Variants in BCAS4 observed in about 807,000 individuals in gnomAD.
BCAS4 encodes breast carcinoma-amplified sequence 4.
Under a neutral mutation model 15.7 loss-of-function variants are expected in BCAS4, and 9 were observed. That is an observed-to-expected ratio of 0.57 (90% CI 0.34 to 1.00). BCAS4 has a LOEUF of 1.00. Ranked by LOEUF, BCAS4 falls within the 50% of genes least tolerant of loss-of-function variation. The pLI, the probability that BCAS4 is intolerant of heterozygous loss-of-function variation, is 0.02. For synonymous variants in BCAS4, 101 were observed against 99.5 expected (o/e 1.02, Z -0.09); for missense variants, 225 against 239.1 (o/e 0.94, Z 0.39).
intron 3 of BCAS4, among the ~76,000 whole-genome samples, chr20:50,836,033 T>G (rs2088405263): frequency 6.6e-6 from 1 of 152,012 alleles, no homozygotes; most frequent in Non-Finnish European, 1.5e-5. Context: ...TTCTCCTGCC[T>G]CAGCCTCCTG....
chr20:50,841,558 G>A (rs2088481718), intron 3 of BCAS4, among the ~76,000 whole-genome samples: 1 of 152,140 alleles, frequency 6.6e-6, no homozygotes, highest in Non-Finnish European at 1.5e-5. Context: ...AAAAGCAAGA[G>A]GCCACCAGCG....
intron 4 of BCAS4, among the ~76,000 whole-genome samples, chr20:50,857,337 G>A (rs186804063): frequency 1.3e-5 from 2 of 152,186 alleles, no homozygotes; most frequent in Non-Finnish European, 2.9e-5. Flanking sequence ...CTCCATGCTG[G>A]TCAGACTGGT....
At chr20:50,866,408 A>C (rs1979360506) in intron 4 of BCAS4, among the ~76,000 whole-genome samples, 1 of 152,226 alleles carries the variant, frequency 6.6e-6, no homozygotes, top group Admixed American at 6.5e-5. Flanking sequence ...GGACAGTGAC[A>C]AACCAGACAG....
At chr20:50,874,633 T>C (rs536601736) in intron 4 of BCAS4, among the ~76,000 whole-genome samples, 5 of 152,210 alleles carry the variant, frequency 3.3e-5, no homozygotes, top group African/African-American at 1.2e-4. Flanking sequence ...GCACTGTGAG[T>C]TGCCGGCTGG....
At chr20:50,813,181 G>T (rs1260383266) in intron 1 of BCAS4, among the ~76,000 whole-genome samples, 1 of 152,196 alleles carries the variant, frequency 6.6e-6, no homozygotes, top group Non-Finnish European at 1.5e-5. Context: ...CTTTTGAGGA[G>T]ATGCTGGACT....
intron 4 of BCAS4, among the ~76,000 whole-genome samples, chr20:50,865,881 C>A (rs771102660): frequency 2.6e-5 from 4 of 152,186 alleles, no homozygotes; most frequent in Non-Finnish European, 5.9e-5. Context: ...CTGCTCACAG[C>A]TGTCAGAGTG....
At chr20:50,802,902 C>CTTT (rs2087945189) in intron 1 of BCAS4, among the ~76,000 whole-genome samples, 1 of 151,100 alleles carries the variant, frequency 6.6e-6, no homozygotes, top group South Asian at 2.1e-4. Context: ...AACACGTTGG[C>CTTT]TGGCCATGGT....
At chr20:50,863,309 G>A (rs1979187920) in intron 4 of BCAS4, among the ~76,000 whole-genome samples, 1 of 142,676 alleles carries the variant, frequency 7.0e-6, no homozygotes, top group South Asian at 2.2e-4. Flanking sequence ...CCAGGCTGGA[G>A]TACAGTGGTG....
intron 1 of BCAS4, among the ~76,000 whole-genome samples, chr20:50,803,137 C>T (rs184054779): frequency 1.1e-4 from 16 of 149,888 alleles, no homozygotes; most frequent in East Asian, 1.0e-3. Context: ...GCCAAGATCG[C>T]GCCACTGCAC....
downstream of BCAS4, chr20:50,881,885 T>C (rs1168394804): frequency 6.6e-6 from 1 of 152,272 alleles, no homozygotes; most frequent in Non-Finnish European, 1.5e-5. Flanking sequence ...GGTCTCAAAC[T>C]CCTGGCCTCA....
intron 4 of BCAS4, among the ~76,000 whole-genome samples, chr20:50,869,287 C>A (rs1979512271): frequency 6.6e-6 from 1 of 152,308 alleles, no homozygotes; most frequent in African/African-American, 2.4e-5. Flanking sequence ...GCAGCAGGCA[C>A]CTGAGCTCCT....
chr20:50,881,036 C>T (rs1310982217), downstream of BCAS4: 1 of 152,036 alleles, frequency 6.6e-6, no homozygotes, highest in African/African-American at 2.4e-5. Context: ...AGTTCAAGAC[C>T]AGCATGGGCA....
intron 1 of BCAS4, among the ~76,000 whole-genome samples, chr20:50,801,071 G>T (rs923725159): frequency 6.6e-6 from 1 of 152,068 alleles, no homozygotes; most frequent in Admixed American, 6.6e-5. Context: ...CTAACATGTC[G>T]CATCCTTTTG....
chr20:50,879,871 T>C (rs2122706541), downstream of BCAS4: 1 of 152,922 alleles, frequency 6.5e-6, no homozygotes, highest in South Asian at 2.1e-4. Flanking sequence ...AGGATGGCTC[T>C]GGTCTGATGG....
intron 4 of BCAS4, among the ~76,000 whole-genome samples, chr20:50,843,446 A>G (rs2123810634): frequency 6.6e-6 from 1 of 152,264 alleles, no homozygotes; most frequent in Middle Eastern, 3.4e-3. Context: ...AACTCATTCT[A>G]TTTGGCCAGG....
chr20:50,800,911 C>T (rs995508325), intron 1 of BCAS4, among the ~76,000 whole-genome samples: 3 of 152,120 alleles, frequency 2.0e-5, no homozygotes, highest in Admixed American at 1.3e-4. Flanking sequence ...AAATATTTCT[C>T]CAAACTCTGT....
intron 2 of BCAS4, among the ~76,000 whole-genome samples, chr20:50,819,595 G>A (rs1456150244): frequency 2.0e-5 from 3 of 152,078 alleles, no homozygotes; most frequent in Non-Finnish European, 4.4e-5. Context: ...TACCTATTCA[G>A]CGGACCTCGG....
At chr20:50,859,069 G>A (rs1978928975) in intron 4 of BCAS4, among the ~76,000 whole-genome samples, 1 of 151,950 alleles carries the variant, frequency 6.6e-6, no homozygotes, top group Admixed American at 6.6e-5. Flanking sequence ...GCAAGTAGCT[G>A]AGAGACTACA....
chr20:50,848,044 A>G (rs1281786045), intron 4 of BCAS4, among the ~76,000 whole-genome samples: 1 of 151,928 alleles, frequency 6.6e-6, no homozygotes, highest in Non-Finnish European at 1.5e-5. Flanking sequence ...GTCTCAAACA[A>G]TAGCAACAAC....
Sources: allele counts gnomAD v4.1 joint callset (sites outside exome capture counted in the v4.1 genomes callset), GRCh38; gene constraint gnomAD v4.1.1; transcripts MANE v1.5; gene names NCBI Gene and HGNC (gene_info 2026-07-23, HGNC 2026-07-21).